Variants in USP39 observed in about 807,000 individuals in gnomAD.
USP39 encodes ubiquitin carboxyl-terminal hydrolase 39.
USP39 carries 38 observed loss-of-function variants against 66.4 expected under a neutral mutation model. The observed-to-expected ratio is 0.57, with a 90% CI of 0.44 to 0.75. The LOEUF is 0.75. Among genes scored for constraint, USP39 ranks in the 30% least tolerant of loss-of-function variants. The probability of loss-of-function intolerance (pLI) is 0.00; values close to 1 mark genes in which losing one functional copy is unlikely to be tolerated. For missense variants in USP39, 608 were observed against 714.4 expected, an observed-to-expected ratio of 0.85 and a Z score of 1.70; for synonymous variants, 303 against 274.6, an observed-to-expected ratio of 1.10 and a Z score of -1.02.
chr2:85,642,442 G>C (rs1274829131), intron 10 of USP39, among the ~76,000 whole-genome samples: 1 of 152,164 alleles, frequency 6.6e-6, no homozygotes, highest in Non-Finnish European at 1.5e-5. Context: ...GGATTCCAAG[G>C]GCAACTCCAG....
At chr2:85,627,767 G>A (rs530894330) in intron 5 of USP39, among the ~76,000 whole-genome samples, 2 of 152,114 alleles carry the variant, frequency 1.3e-5, no homozygotes, top group Non-Finnish European at 1.5e-5. Context: ...TTTGAAAAGT[G>A]CAGGCATTAC....
intron 8 of USP39, 22 bp downstream of exon 8, chr2:85,637,458 C>T (rs866164788): frequency 6.2e-7 from 1 of 1,612,458 alleles, no homozygotes; most frequent in Non-Finnish European, 8.5e-7. Flanking sequence ...GAGCCTGGGT[C>T]TTGGACTGAT....
At chr2:85,611,880 A>C (rs1673565667), upstream of USP39, 13 of 1,597,276 alleles carry the variant, frequency 8.1e-6, no homozygotes, top group Non-Finnish European at 1.1e-5. Flanking sequence ...GGCGGTACCG[A>C]GCGATCTGGT....
intron 11 of USP39, 80 bp from the exon 12 acceptor site, chr2:85,647,850 A>T: frequency 7.6e-7 from 1 of 1,308,864 alleles, no homozygotes; most frequent in Non-Finnish European, 1.1e-6. Flanking sequence ...TAATTTTTCT[A>T]GTCTTGGCTA....
chr2:85,611,280 T>C (rs1450427032), upstream of USP39: 1 of 1,414,826 alleles, frequency 7.1e-7, no homozygotes, highest in Non-Finnish European at 9.2e-7. Flanking sequence ...ACCAGTGTGA[T>C]CTCTAGGTAG....
chr2:85,623,374 A>G (rs1674609534), intron 3 of USP39, among the ~76,000 whole-genome samples: 2 of 149,602 alleles, frequency 1.3e-5, no homozygotes, highest in South Asian at 2.1e-4. Context: ...TAGGTTATAT[A>G]TATTTTACAT....
At chr2:85,621,638 T>C in intron 3 of USP39, 59 bp downstream of exon 3, 2 of 1,158,012 alleles carry the variant, frequency 1.7e-6, no homozygotes, top group South Asian at 2.8e-5. Context: ...TTTTTTTTTT[T>C]TAAAGAAAGT....
At chr2:85,604,172 A>G (rs1202482548) in intron 1 of USP39, among the ~76,000 whole-genome samples, 2 of 152,158 alleles carry the variant, frequency 1.3e-5, no homozygotes, top group African/African-American at 4.8e-5. Flanking sequence ...ACCTTCTTGG[A>G]CCCAGTGGAA....
In USP39 at chr2:85,630,812, T is replaced by C. The variant is rs773605164; in HGVS notation, c.815T>C (p.Leu272Ser). Residue 272 changes from leucine to serine, a missense_variant, in exon 6 of 13, where the codon TTG (leucine) becomes TCG (serine). This residue lies in a region of USP39 where 33 missense variants were observed against 21.7 expected (regional missense o/e 1.52). Transcript: ENST00000323701. ...CGTCCTCCAGGGGATATCATGTTCT[T>C]GTTGGTCCAGCGTTTTGGAGAGCTG... ...IKRPPGDIMF[L>S]LVQRFGELMR... 1.9e-5 allele frequency: 31 copies of C among 1,614,102 alleles called. No individual in the cohort carries two copies. Among genetic ancestry groups the C allele is most frequent in the Non-Finnish European group, 2.5e-5 (30 of 1,180,056 alleles).
intron 11 of USP39, among the ~76,000 whole-genome samples, chr2:85,647,674 C>CA (rs1231950376): frequency 6.9e-6 from 1 of 145,220 alleles, no homozygotes; most frequent in Non-Finnish European, 1.5e-5. Flanking sequence ...AAAAAAAAAA[C>CA]AAAAAAACAA....
At chr2:85,624,861 G>A (rs112201273) in intron 4 of USP39, among the ~76,000 whole-genome samples, 8,663 of 152,052 alleles carry the variant, frequency 0.057, 315 homozygotes, top group Middle Eastern at 0.078. Flanking sequence ...TACTTGGGAG[G>A]CTGAGGCAGG....
chr2:85,637,702 C>T (rs965118142), intron 8 of USP39, among the ~76,000 whole-genome samples: 2 of 152,086 alleles, frequency 1.3e-5, no homozygotes, highest in African/African-American at 4.8e-5. Flanking sequence ...CTCAGCTAAG[C>T]TTTCTTTTTG....
intron 3 of USP39, 32 bp from the exon 4 acceptor site, chr2:85,623,614 C>T (rs1325609163): frequency 6.2e-7 from 1 of 1,600,264 alleles, no homozygotes; most frequent in Non-Finnish European, 8.5e-7. Flanking sequence ...AGTATCTGCC[C>T]TTCTATTACA....
chr2:85,646,883 C>CTTTT (rs773751290), intron 11 of USP39, among the ~76,000 whole-genome samples: 1 of 108,498 alleles, frequency 9.2e-6, no homozygotes, highest in Non-Finnish European at 1.9e-5. Flanking sequence ...TGACCTGTTG[C>CTTTT]TTTTTTTTTT....
rs1349678042 is a variant in USP39 at position 85,629,642 on chromosome 2, G to A, written c.724-1079G>A. ...CTCCTGAGTAGCTGGGATTACAGGC[G>A]CGTGCCACCATGCCCTGCTAATTTT... On this transcript the variant is annotated intron_variant, in intron 5 of 12. Coordinates refer to ENST00000323701, the MANE Select transcript of USP39 (RefSeq NM_006590.4). 4.7e-5 allele frequency among the ~76,000 whole-genome samples: 7 copies of A among 150,352 alleles called. No homozygotes were observed. In the East Asian group the frequency reaches 1.2e-3, roughly 26 times the overall value.
chr2:85,640,024 A>C (rs1229116129), intron 9 of USP39, among the ~76,000 whole-genome samples: 1 of 150,858 alleles, frequency 6.6e-6, no homozygotes, highest in Non-Finnish European at 1.5e-5. Flanking sequence ...GGGACTAGAC[A>C]CACTCCACCA....
intron 4 of USP39, 134 bp downstream of exon 4, chr2:85,623,916 G>T: frequency 2.0e-6 from 2 of 1,001,290 alleles, no homozygotes; most frequent in Non-Finnish European, 2.9e-6. Flanking sequence ...TTCTCTTTTG[G>T]GAAGAACTGG....
At chr2:85,627,246 G>A (rs1674944047) in intron 5 of USP39, among the ~76,000 whole-genome samples, 1 of 150,550 alleles carries the variant, frequency 6.6e-6, no homozygotes, top group Non-Finnish European at 1.5e-5. Flanking sequence ...ACAGATGCCT[G>A]CCACCACACC....
chr2:85,625,565 G>T lies in USP39; in HGVS notation c.597G>T (p.Lys199Asn), dbSNP rs1674790030. 6.2e-7 allele frequency: 1 copy of T among 1,613,882 alleles called. No individual in the cohort carries two copies. ...ATGTGTTGAAGCCCACTTTCACAAA[G>T]CAGCAAATTGCAAACTTGGACAAGC... ...ITYVLKPTFT[K>N]QQIANLDKQA... is the part of the protein sequence containing the mutation. The change falls in exon 5 of 13, where the codon AAG becomes AAT. Residue 199 changes from lysine (K) to asparagine (N), a missense_variant. By Grantham distance (94) the Lys-to-Asn change is moderately conservative. Coordinates refer to ENST00000323701, the MANE Select transcript of USP39 (RefSeq NM_006590.4).
Sources: gnomAD v4.1 joint callset for allele counts (sites outside exome capture counted in the v4.1 genomes callset) on GRCh38, gnomAD v4.1.1 for gene constraint, gnomAD v4.1.1 regional missense constraint, MANE v1.5 for transcripts, NCBI Gene and HGNC (gene_info 2026-07-23, HGNC 2026-07-21) for gene names.